The following GCFC2 variants were observed in gnomAD, a reference collection of about 807,000 sequenced individuals.
GCFC2 encodes intron Large complex component GCFC2.
A neutral mutation model predicts 99.4 loss-of-function variants in GCFC2; 102 were observed. The observed-to-expected ratio is 1.03, with a 90% CI of 0.87 to 1.21. GCFC2 has a LOEUF of 1.21. GCFC2 is among the 50% of genes most tolerant of loss of function. GCFC2 has a pLI of 0.00. For missense variants in GCFC2, 973 were observed against 920.9 expected (o/e 1.06, Z -0.73); for synonymous variants, 338 against 316.8 (o/e 1.07, Z -0.71).
rs1679201268 is a variant in GCFC2, at chr2:75,673,287, GACA to G, written c.1889+154_1889+156del. On this transcript the variant is annotated intron_variant, in intron 13 of 16. Coordinates refer to ENST00000321027, the MANE Select transcript of GCFC2 (RefSeq NM_003203.5). ...CGCGCCACTGCACTCCAGCCTGGGC[GACA>G]GAGTGAGACTCAGTCTCAAAAGAAA... 1.1e-4 allele frequency among the ~76,000 whole-genome samples: 16 copies of G among 151,100 alleles called. No homozygotes were observed. The South Asian group carries it at 3.3e-3, about 31-fold the overall frequency.
intron 7 of GCFC2, 52 bp downstream of exon 7, chr2:75,691,925 C>T (rs752038966): frequency 1.2e-5 from 12 of 999,372 alleles, no homozygotes; most frequent in African/African-American, 3.3e-5. Flanking sequence ...TTATTCTTCA[C>T]ATAATTTAGC....
intron 11 of GCFC2, among the ~76,000 whole-genome samples, chr2:75,683,471 T>C (rs558638872): frequency 6.7e-6 from 1 of 149,676 alleles, no homozygotes; most frequent in South Asian, 2.1e-4. Context: ...GTACAACTGG[T>C]ACCAGACGCT....
At chr2:75,665,103 G>A (rs1009706426) in intron 16 of GCFC2, among the ~76,000 whole-genome samples, 2 of 152,056 alleles carry the variant, frequency 1.3e-5, no homozygotes, top group Non-Finnish European at 1.5e-5. Context: ...GGAAGCAATG[G>A]TGGGAGTATA....
intron 14 of GCFC2, chr2:75,670,867 C>CT (rs1414083085): frequency 6.6e-6 from 1 of 152,272 alleles, no homozygotes; most frequent in Admixed American, 6.5e-5. Flanking sequence ...ATTCATTACT[C>CT]TGAGTGCTGA....
At chr2:75,688,983 C>G in intron 10 of GCFC2, 43 bp downstream of exon 10, 1 of 1,065,370 alleles carries the variant, frequency 9.4e-7, no homozygotes, top group Non-Finnish European at 1.4e-6. Context: ...ATTTAAGCAA[C>G]TAATATAATC....
At chr2:75,686,094 AC>A (rs1161087404) in intron 11 of GCFC2, among the ~76,000 whole-genome samples, 1 of 152,138 alleles carries the variant, frequency 6.6e-6, no homozygotes, top group Non-Finnish European at 1.5e-5. Flanking sequence ...TATTTGTGGG[AC>A]TGTTTCATCA....
At chr2:75,695,705 G>A (rs1326114981) in intron 5 of GCFC2, among the ~76,000 whole-genome samples, 1 of 151,996 alleles carries the variant, frequency 6.6e-6, no homozygotes, top group Non-Finnish European at 1.5e-5. Flanking sequence ...CTGCACTGTG[G>A]GGCAATTATT....
At chr2:75,690,886 C>T (rs1323148387) in intron 7 of GCFC2, 167 bp from the exon 8 acceptor site, 3 of 514,290 alleles carry the variant, frequency 5.8e-6, no homozygotes, top group Admixed American at 7.8e-5. Flanking sequence ...AATGTTAACT[C>T]TTTATTGCAA....
intron 14 of GCFC2, among the ~76,000 whole-genome samples, chr2:75,671,746 T>C (rs1053961115): frequency 6.9e-6 from 1 of 144,288 alleles, no homozygotes; most frequent in Non-Finnish European, 1.5e-5. Context: ...TCATAAGTTT[T>C]ATTCAAACAG....
At chr2:75,697,672 C>T (rs1002460439) in intron 4 of GCFC2, 1 of 152,176 alleles carries the variant, frequency 6.6e-6, no homozygotes, top group Non-Finnish European at 1.5e-5. Context: ...CATTCATGTT[C>T]ATGTTCATTA....
intron 1 of GCFC2, among the ~76,000 whole-genome samples, chr2:75,709,136 G>A (rs140969883): frequency 6.4e-4 from 97 of 152,152 alleles, no homozygotes; most frequent in African/African-American, 2.2e-3. Flanking sequence ...TAGATTTTTT[G>A]TAAGTGAATT....
At chr2:75,665,527 T>C (rs1678796806) in intron 16 of GCFC2, among the ~76,000 whole-genome samples, 1 of 152,030 alleles carries the variant, frequency 6.6e-6, no homozygotes. Flanking sequence ...CCCAAACAGC[T>C]GGTGCTGTGA....
rs116309015 is a variant in GCFC2, at chr2:75,672,658, G to A, written c.1890-642C>T. 1.4e-3 allele frequency among the ~76,000 whole-genome samples: 207 copies of A among 152,250 alleles called. 1 individual carries two copies. Among genetic ancestry groups the A allele is most frequent in the African/African-American group, 4.7e-3 (197 of 41,544 alleles). ...CGTTTTATAATTTAAAGTGACTGCA[G>A]AATTTACAGGTGCAGTTTCTCGTTC... On this transcript the variant is annotated intron_variant, in intron 13 of 16. Transcript: ENST00000321027.
At chr2:75,703,036 C>T (rs1013750186) in intron 2 of GCFC2, among the ~76,000 whole-genome samples, 1 of 152,124 alleles carries the variant, frequency 6.6e-6, no homozygotes, top group Non-Finnish European at 1.5e-5. Context: ...TAATCAGGCT[C>T]ATTTACCAGG....
At chr2:75,699,896 G>T (rs943733514) in intron 4 of GCFC2, among the ~76,000 whole-genome samples, 46 of 135,824 alleles carry the variant, frequency 3.4e-4, no homozygotes, top group African/African-American at 7.0e-4. Flanking sequence ...CTTTAACGTT[G>T]TTTTTTTTTT....
chr2:75,700,600 T>G (rs1172806749), intron 4 of GCFC2, among the ~76,000 whole-genome samples: 1 of 152,160 alleles, frequency 6.6e-6, no homozygotes, highest in African/African-American at 2.4e-5. Context: ...AGGGCTAAAC[T>G]TTACTTTTAA....
chr2:75,711,315 G>T, upstream of GCFC2: 2 of 524,118 alleles, frequency 3.8e-6, no homozygotes, highest in Non-Finnish European at 4.9e-6. Flanking sequence ...TGAGGCTCGG[G>T]GTAGGAGGAG....
Position 75,694,352 on chromosome 2 carries a change from T to C in GCFC2, c.909A>G (p.Ser303=), listed in dbSNP as rs907610500. The C allele has an allele frequency of 2.6e-6, 4 of 1,520,004 alleles. No individual in the cohort carries two copies. In the African/African-American group the frequency reaches 4.1e-5, roughly 16 times the overall value. The allele number at this position is 1,520,004 out of a possible 1,614,324, so 94.2% of individuals were successfully genotyped here. ...TCTCTAGGTTCTGGATGGTACTCTTTGAGCTTTTGACATCTTGTACGTATT... is the reference window on the plus strand; with the variant it reads ...TCTCTAGGTTCTGGATGGTACTCTTCGAGCTTTTGACATCTTGTACGTATT... The part of the protein sequence containing the change: ...YEKYVQDVKS[S]KSTIQNLESS... The change falls in exon 6 of 17, where the codon TCA becomes TCG. Residue 303 remains serine, a synonymous_variant. Coordinates refer to ENST00000321027, the MANE Select transcript of GCFC2 (RefSeq NM_003203.5).
At chr2:75,694,798 A>T (rs931659539) in intron 5 of GCFC2, among the ~76,000 whole-genome samples, 3 of 152,130 alleles carry the variant, frequency 2.0e-5, no homozygotes, top group African/African-American at 7.2e-5. Flanking sequence ...GGAAAAAACT[A>T]GGTACAGAGC....
Sources: allele counts gnomAD v4.1 joint callset (sites outside exome capture counted in the v4.1 genomes callset), GRCh38; gene constraint gnomAD v4.1.1; transcripts MANE v1.5; gene names NCBI Gene and HGNC (gene_info 2026-07-23, HGNC 2026-07-21).